Variants in SCNN1G observed in about 807,000 individuals in gnomAD.
SCNN1G encodes the protein sodium channel epithelial 1 subunit gamma, also known as epithelial sodium channel subunit gamma.
Under a neutral mutation model 64.6 loss-of-function variants are expected in SCNN1G, and 27 were observed. The observed-to-expected ratio is 0.42, with a 90% confidence interval of 0.31 to 0.58. SCNN1G has a LOEUF of 0.58. SCNN1G is among the 20% of genes least tolerant of loss of function. The probability of loss-of-function intolerance (pLI) is 0.18; values close to 1 mark genes in which losing one functional copy is unlikely to be tolerated. For synonymous variants in SCNN1G, 330 were observed against 314.2 expected (o/e 1.05, Z -0.53); for missense variants, 743 against 823.4 (o/e 0.90, Z 1.19).
chr16:23,186,648 C>T, intron 2 of SCNN1G, 60 bp downstream of exon 2: 1 of 1,455,958 alleles, frequency 6.9e-7, no homozygotes, highest in Non-Finnish European at 9.5e-7. Context: ...GAGGCCAAAG[C>T]CCCTCCCGAA....
chr16:23,204,511 T>C (rs1210013338), intron 6 of SCNN1G, among the ~76,000 whole-genome samples: 2 of 146,884 alleles, frequency 1.4e-5, no homozygotes, highest in African/African-American at 4.9e-5. Context: ...TATATATATA[T>C]ACATATATAA....
intron 8 of SCNN1G, 82 bp from the exon 9 acceptor site, chr16:23,212,596 G>A: frequency 9.9e-7 from 1 of 1,010,130 alleles, no homozygotes; most frequent in South Asian, 1.3e-5. Context: ...TGAGACTGCG[G>A]GGCTGTCCTT....
rs117500064 is a variant in SCNN1G at position 23,211,265 on chromosome 16, C to T, written c.1177-769C>T. Among the ~76,000 whole-genome samples the T allele has an allele frequency of 4.8e-3, 729 of 152,338 alleles. 3 individuals carry two copies. The highest frequency in any genetic ancestry group is 0.013 in the South Asian group (62 of 4,826). The stretch of plus-strand genomic sequence containing the variant: ...GGATTTGACCTGAGTAGCCTGCCTT[C>T]AGGAACTCTGCCATTAGCTTTTATG... On this transcript the variant is annotated intron_variant, in intron 7 of 12. Transcript: ENST00000300061.
chr16:23,203,730 A>T (rs952633055), intron 6 of SCNN1G, among the ~76,000 whole-genome samples: 21 of 126,730 alleles, frequency 1.7e-4, no homozygotes, highest in African/African-American at 6.2e-4. Context: ...AGATCATGCC[A>T]CTGCACTCCA....
At chr16:23,214,838 G>A in intron 12 of SCNN1G, 51 bp downstream of exon 12, 1 of 1,458,034 alleles carries the variant, frequency 6.9e-7, no homozygotes. Flanking sequence ...ACAAATGTGA[G>A]CATCTTCCTG....
At chr16:23,197,568 A>T (rs1215723743) in intron 6 of SCNN1G, 141 bp downstream of exon 6, 1 of 787,054 alleles carries the variant, frequency 1.3e-6, no homozygotes, top group Non-Finnish European at 2.2e-6. Flanking sequence ...TGGTTATCCC[A>T]TTCATTTCAG....
intron 2 of SCNN1G, 32 bp downstream of exon 2, chr16:23,186,620 G>A (rs1200228711): frequency 1.3e-6 from 2 of 1,589,268 alleles, no homozygotes; most frequent in African/African-American, 2.7e-5. Context: ...ACGCGAGTAG[G>A]GAGCCAGGCC....
chr16:23,215,210 G>A lies in SCNN1G; in HGVS notation c.1691G>A (p.Arg564His), dbSNP rs762732326. 2.1e-5 allele frequency: 34 copies of A among 1,613,950 alleles called. No homozygotes were observed. Among genetic ancestry groups the A allele is most frequent in the East Asian group, 6.7e-5 (3 of 44,882 alleles). The change falls in exon 13 of 13, where the codon CGC (arginine) becomes CAC (histidine). Residue 564 changes from arginine (R) to histidine (H), a missense_variant. Coordinates refer to ENST00000300061, the MANE Select transcript of SCNN1G (RefSeq NM_001039.4). Reference protein sequence around the residue: ...FIDFFSIIARRQWQKAKEWWA... With the variant: ...FIDFFSIIARHQWQKAKEWWA... Reference sequence around the variant, plus strand: ...GACTTCTTCTCTATCATTGCCCGCCGCCAGTGGCAGAAAGCCAAGGAGTGG... The same window carrying A: ...GACTTCTTCTCTATCATTGCCCGCCACCAGTGGCAGAAAGCCAAGGAGTGG...
chr16:23,200,232 T>C (rs1208750824), intron 6 of SCNN1G, among the ~76,000 whole-genome samples: 2 of 152,134 alleles, frequency 1.3e-5, no homozygotes, highest in Non-Finnish European at 2.9e-5. Context: ...TAGTGGTTAT[T>C]CTAAGAGGCA....
chr16:23,206,213 C>T (rs778466998), intron 6 of SCNN1G, among the ~76,000 whole-genome samples: 18 of 152,172 alleles, frequency 1.2e-4, no homozygotes, highest in Non-Finnish European at 2.4e-4. Flanking sequence ...AGAGTTACCA[C>T]TGAAATGTGA....
chr16:23,199,663 C>CTTT lies in SCNN1G; in HGVS notation c.1077+2260_1077+2262dup, dbSNP rs67132706. 6.7e-3 allele frequency among the ~76,000 whole-genome samples: 397 copies of CTTT among 59,558 alleles called. 1 individual carries two copies. Among genetic ancestry groups the CTTT allele is most frequent in the Non-Finnish European group, 8.4e-3 (277 of 33,102 alleles). 39.1% of individuals were successfully genotyped at this position (59,558 alleles called of 152,430 possible). A position where few individuals can be genotyped will look rare whatever the true frequency, so the allele number is the denominator to read the frequency against. On this transcript the variant is annotated intron_variant, in intron 6 of 12. Coordinates refer to ENST00000300061, the MANE Select transcript of SCNN1G (RefSeq NM_001039.4). ...TGATGTTTTTCTTTTCTTTTCTTTT[C>CTTT]TTTTTTTTTTTTTTTTTTTTTTTTT... is the stretch of plus-strand genomic sequence containing the variant.
intron 1 of SCNN1G, among the ~76,000 whole-genome samples, chr16:23,183,348 G>T (rs983777524): frequency 6.6e-6 from 1 of 152,226 alleles, no homozygotes; most frequent in Non-Finnish European, 1.5e-5. Context: ...CGCTCGGCAG[G>T]AGCTCGGGTC....
intron 3 of SCNN1G, among the ~76,000 whole-genome samples, chr16:23,191,728 A>G (rs1268863276): frequency 6.6e-6 from 1 of 152,226 alleles, no homozygotes; most frequent in Admixed American, 6.5e-5. Context: ...AACCAGCCAA[A>G]ATCAGTTGAC....
At position 23,190,831 on chromosome 16, in the gene SCNN1G, A is replaced by ATTTT. The variant is rs896029487; in HGVS notation, c.618+1187_618+1190dup. Among the ~76,000 whole-genome samples, 225 of 56,270 alleles carry ATTTT rather than the reference A, an allele frequency of 4.0e-3. 20 individuals are homozygous for ATTTT. The highest frequency in any genetic ancestry group is 0.019 in the Middle Eastern group (1 of 54). The allele number at this position is 56,270 out of a possible 152,430, so 36.9% of individuals were successfully genotyped here. On this transcript the variant is annotated intron_variant, in intron 3 of 12. Coordinates refer to ENST00000300061, the MANE Select transcript of SCNN1G (RefSeq NM_001039.4). The stretch of plus-strand genomic sequence containing the variant: ...TTCCCTTTTGGTCCCATTTGAGGGG[A>ATTTT]TTTTTTTTTTTTTTTTTTTTTTTTT...
chr16:23,200,432 C>T (rs1447433565), intron 6 of SCNN1G, among the ~76,000 whole-genome samples: 1 of 152,080 alleles, frequency 6.6e-6, no homozygotes. Context: ...TGTGTCTTCC[C>T]AAGTAAAAGT....
chr16:23,212,922 C>A (rs373818309), intron 10 of SCNN1G, 28 bp downstream of exon 10: 134 of 1,609,212 alleles, frequency 8.3e-5, no homozygotes, highest in Admixed American at 2.3e-4. Flanking sequence ...CCCTTCCCCA[C>A]TGAAGCCCCC....
At chr16:23,191,689 G>T (rs1366414148) in intron 3 of SCNN1G, among the ~76,000 whole-genome samples, 1 of 152,096 alleles carries the variant, frequency 6.6e-6, no homozygotes, top group Non-Finnish European at 1.5e-5. Context: ...ACCTTCCAAA[G>T]CATTAGGATT....
In SCNN1G at chr16:23,215,565, C is replaced by T; in HGVS notation, c.*96C>T. 4 of 1,464,066 alleles carry T rather than the reference C, an allele frequency of 2.7e-6. No homozygotes were observed. Among genetic ancestry groups the T allele is most frequent in the Non-Finnish European group, 3.8e-6 (4 of 1,059,054 alleles). The allele number at this position is 1,464,066 out of a possible 1,614,324, so 90.7% of individuals were successfully genotyped here. On this transcript the variant is annotated 3_prime_UTR_variant, in exon 13 of 13. Coordinates refer to ENST00000300061, the MANE Select transcript of SCNN1G (RefSeq NM_001039.4). ...AGACGTGTGCACAGGGGACCCTCTGCCCCACTCTGGGCTTTTCAGATACTC... is the reference window on the plus strand; with the variant it reads ...AGACGTGTGCACAGGGGACCCTCTGTCCCACTCTGGGCTTTTCAGATACTC...
intron 6 of SCNN1G, 95 bp from the exon 7 acceptor site, chr16:23,209,655 G>A: frequency 2.3e-6 from 2 of 881,228 alleles, no homozygotes; most frequent in Non-Finnish European, 3.9e-6. Flanking sequence ...GCTCCCAAGG[G>A]CTGCTTGCAA....
Sources: allele counts gnomAD v4.1 joint callset (sites outside exome capture counted in the v4.1 genomes callset), GRCh38; gene constraint gnomAD v4.1.1; transcripts MANE v1.5; gene names NCBI Gene and HGNC (gene_info 2026-07-23, HGNC 2026-07-21).